CORIN: variants seen among roughly 807,000 people sequenced by gnomAD.
CORIN encodes the protein corin, serine peptidase.
Under a neutral mutation model 125.3 loss-of-function variants are expected in CORIN, and 117 were observed. The ratio of observed to expected loss-of-function variants is 0.93; its 90% CI spans 0.80 to 1.09. CORIN has a LOEUF of 1.09. Among genes scored for constraint, CORIN ranks in the 50% least tolerant of loss-of-function variants. CORIN has a pLI of 0.00. For synonymous variants in CORIN, 450 were observed against 466.4 expected (o/e 0.96, Z 0.45); for missense variants, 1,253 against 1,306.7 (o/e 0.96, Z 0.63).
At chr4:47,718,460 G>T (rs528530498) in intron 5 of CORIN, among the ~76,000 whole-genome samples, 107 of 152,154 alleles carry the variant, frequency 7.0e-4, no homozygotes, top group African/African-American at 2.5e-3. Context: ...AATGAGACAG[G>T]GTATGTAAAC....
At chr4:47,629,219 TTGA>T (rs377449045) in intron 16 of CORIN, among the ~76,000 whole-genome samples, 13 of 152,308 alleles carry the variant, frequency 8.5e-5, no homozygotes, top group African/African-American at 2.6e-4. Flanking sequence ...TTTTCTCTTT[TTGA>T]TGATAACCAT....
intron 16 of CORIN, among the ~76,000 whole-genome samples, chr4:47,639,978 A>T (rs1723174414): frequency 6.8e-6 from 1 of 146,982 alleles, no homozygotes; most frequent in Admixed American, 7.1e-5. Flanking sequence ...TCTTTGGAGG[A>T]CTTATCACCA....
chr4:47,764,895 T>G (rs1002332105), intron 3 of CORIN, among the ~76,000 whole-genome samples: 1 of 152,210 alleles, frequency 6.6e-6, no homozygotes, highest in Non-Finnish European at 1.5e-5. Flanking sequence ...TATCAGCTTT[T>G]GGGCTTATGC....
At chr4:47,674,697 G>T (rs1366361386) in intron 9 of CORIN, among the ~76,000 whole-genome samples, 197 bp from the exon 10 acceptor site, 1 of 152,150 alleles carries the variant, frequency 6.6e-6, no homozygotes, top group African/African-American at 2.4e-5. Flanking sequence ...TACAATCCAG[G>T]TATTCCAAAA....
At chr4:47,626,299 TATGACAA>T in intron 17 of CORIN, 99 bp downstream of exon 17, 1 of 728,106 alleles carries the variant, frequency 1.4e-6, no homozygotes, top group East Asian at 2.5e-5. Flanking sequence ...TCTTTACTGA[TATGACAA>T]ATTTGGATTA....
chr4:47,813,688 ATACCAAAATTATTCT>A (rs1732149569), intron 1 of CORIN, among the ~76,000 whole-genome samples: 1 of 152,212 alleles, frequency 6.6e-6, no homozygotes, highest in Admixed American at 6.5e-5. Flanking sequence ...ATTTTATTAA[ATACCAAAATTATTCT>A]TACCAAAATT....
intron 4 of CORIN, among the ~76,000 whole-genome samples, chr4:47,752,346 T>C (rs977750699): frequency 3.3e-5 from 5 of 152,212 alleles, no homozygotes; most frequent in African/African-American, 9.6e-5. Flanking sequence ...CATCTGCAGC[T>C]CTATCCCTCC....
chr4:47,595,790 A>G lies in CORIN; in HGVS notation c.3060T>C (p.Tyr1020=), dbSNP rs780633813. 1.2e-6 allele frequency: 2 copies of G among 1,613,636 alleles called. No homozygotes were observed. The highest frequency in any genetic ancestry group is 2.2e-5 in the South Asian group (2 of 91,026). Residue 1020 remains tyrosine (Y), a synonymous_variant, in exon 22 of 22, where the codon TAT becomes TAC. Coordinates refer to ENST00000273857, the MANE Select transcript of CORIN (RefSeq NM_006587.4). ...CFSKVLGPGV[Y]SNVSYFVEWI... ...ATTCGACGAAATATGACACATTACT[A>G]TAAACGCCAGGCCCCAGGACTTTGG...
intron 1 of CORIN, among the ~76,000 whole-genome samples, chr4:47,828,171 T>TC (rs1050022160): frequency 1.8e-4 from 27 of 152,160 alleles, no homozygotes; most frequent in African/African-American, 6.5e-4. Flanking sequence ...TTGTTTTTTT[T>TC]CCCAATTCCT....
At chr4:47,836,151 A>T (rs917485481) in intron 1 of CORIN, among the ~76,000 whole-genome samples, 3 of 152,160 alleles carry the variant, frequency 2.0e-5, no homozygotes, top group African/African-American at 7.2e-5. Context: ...CCAAGCCCAC[A>T]CGTGAGTCTA....
At chr4:47,746,634 A>G (rs1032762764) in intron 4 of CORIN, among the ~76,000 whole-genome samples, 1 of 151,742 alleles carries the variant, frequency 6.6e-6, no homozygotes, top group African/African-American at 2.4e-5. Context: ...TCCTGGTTTC[A>G]AGCGATTCTC....
At chr4:47,671,083 C>A (rs1724736970) in intron 10 of CORIN, among the ~76,000 whole-genome samples, 1 of 152,110 alleles carries the variant, frequency 6.6e-6, no homozygotes, top group Admixed American at 6.5e-5. Flanking sequence ...CCCCTGCAGC[C>A]CAGTCATAAA....
chr4:47,669,261 C>T (rs192313001), intron 10 of CORIN, among the ~76,000 whole-genome samples: 2 of 152,038 alleles, frequency 1.3e-5, no homozygotes, highest in Non-Finnish European at 2.9e-5. Flanking sequence ...GGTGTTATAT[C>T]GTTATGATGT....
At chr4:47,772,210 G>A (rs1730075498) in intron 3 of CORIN, among the ~76,000 whole-genome samples, 1 of 152,152 alleles carries the variant, frequency 6.6e-6, no homozygotes, top group South Asian at 2.1e-4. Context: ...ATAACCTGTT[G>A]CAATTCATTC....
At chr4:47,719,903 A>G (rs1010597206) in intron 5 of CORIN, among the ~76,000 whole-genome samples, 4 of 152,240 alleles carry the variant, frequency 2.6e-5, no homozygotes, top group African/African-American at 9.6e-5. Flanking sequence ...GGTGGACAGA[A>G]GTAACCTGTC....
intron 12 of CORIN, among the ~76,000 whole-genome samples, chr4:47,661,269 C>T (rs1724237448): frequency 6.6e-6 from 1 of 151,918 alleles, no homozygotes; most frequent in African/African-American, 2.4e-5. Context: ...TTTGATAGCA[C>T]AACAGAGTGA....
rs146652428 is a variant in CORIN at position 47,748,569 on chromosome 4, A to G, written c.618-3986T>C. On this transcript the variant is annotated intron_variant, in intron 4 of 21. Transcript: ENST00000273857. ...ATAGTGAAGTTTTTATGGTGTTCTC[A>G]CTAGGAAGGCTGTTATAAAATTATT... Among the ~76,000 whole-genome samples, 227 of 152,328 alleles carry G rather than the reference A, an allele frequency of 1.5e-3. 1 individual carries two copies. The highest frequency in any genetic ancestry group is 5.3e-3 in the African/African-American group (221 of 41,586).
intron 9 of CORIN, among the ~76,000 whole-genome samples, chr4:47,676,326 C>G (rs1011706803): frequency 2.0e-5 from 3 of 152,182 alleles, no homozygotes; most frequent in Admixed American, 6.5e-5. Flanking sequence ...GAATTTTGGT[C>G]AAGCGGTGCC....
chr4:47,822,850 T>C (rs1407394966), intron 1 of CORIN, among the ~76,000 whole-genome samples: 5 of 151,324 alleles, frequency 3.3e-5, no homozygotes, highest in Non-Finnish European at 7.4e-5. Flanking sequence ...GGAGTCTCGC[T>C]CTGATGCCAG....
Sources: gnomAD v4.1 joint callset for allele counts (sites outside exome capture counted in the v4.1 genomes callset) on GRCh38, gnomAD v4.1.1 for gene constraint, MANE v1.5 for transcripts, NCBI Gene and HGNC (gene_info 2026-07-23, HGNC 2026-07-21) for gene names.